The following TSC2 variants were observed in gnomAD, a reference collection of about 807,000 sequenced individuals.
The protein encoded by TSC2 is TSC complex subunit 2.
TSC2 carries 29 observed loss-of-function variants against 202.2 expected under a neutral mutation model. The observed-to-expected ratio is 0.14, with a 90% CI of 0.11 to 0.20. TSC2 has a LOEUF of 0.20. Among genes scored for constraint, TSC2 ranks in the 10% least tolerant of loss-of-function variants. The pLI is 1.00. For missense variants in TSC2, 2,429 were observed against 2,420.0 expected, an observed-to-expected ratio of 1.00 and a Z score of -0.08; for synonymous variants, 1,349 against 1,044.0, an observed-to-expected ratio of 1.29 and a Z score of -5.63.
At chr16:2,057,246 C>T in intron 9 of TSC2, 68 bp downstream of exon 9, 5 of 1,529,936 alleles carry the variant, frequency 3.3e-6, no homozygotes, top group South Asian at 2.4e-5. Context: ...TCCAGTGTCC[C>T]TTGCCAAGCA....
chr16:2,072,656 A>G (rs2088646735), intron 20 of TSC2, 193 bp from the exon 21 acceptor site: 6 of 931,026 alleles, frequency 6.4e-6, no homozygotes, highest in African/African-American at 1.7e-5. Flanking sequence ...TTCACCTCAC[A>G]TTCCTGGTGT....
In TSC2 at chr16:2,083,773, A is replaced by T. The variant is rs587778736; in HGVS notation, c.3962A>T (p.Glu1321Val). 6 of 1,611,152 alleles carry T rather than the reference A, an allele frequency of 3.7e-6. No homozygotes were observed. Among genetic ancestry groups the T allele is most frequent in the South Asian group, 1.1e-5 (1 of 90,508 alleles). ...GAGCCCCCAGGGTTGGAGGACGTTG[A>T]GGCAGCGCTAGGCATGGACAGGCGC... ...LVEPPGLEDVEAALGMDRRTD... is the reference protein window; with the variant it reads ...LVEPPGLEDVVAALGMDRRTD... The change falls in exon 33 of 42, where the codon GAG becomes GTG. Residue 1321 changes from glutamate (E) to valine (V), a missense_variant. Transcript: ENST00000219476.
At chr16:2,065,703 G>A (rs1039758612) in intron 16 of TSC2, 68 bp downstream of exon 16, 24 of 1,399,226 alleles carry the variant, frequency 1.7e-5, no homozygotes, top group Admixed American at 1.2e-4. Context: ...CTGCATCTGC[G>A]TTGTGTTGGA....
At chr16:2,064,835 C>A (rs571639537) in intron 15 of TSC2, 33 of 306,376 alleles carry the variant, frequency 1.1e-4, no homozygotes, top group African/African-American at 6.9e-4. Context: ...AGATGAAGGC[C>A]GGGCACAGTG....
Position 2,085,126 on chromosome 16 carries a change from G to T in TSC2, c.4569+100G>T. 3.7e-6 allele frequency: 6 copies of T among 1,600,862 alleles called. No individual in the cohort carries two copies. In the South Asian group the frequency reaches 5.5e-5, roughly 15 times the overall value. On this transcript the variant is annotated intron_variant, in intron 35 of 41. Coordinates refer to ENST00000219476, the MANE Select transcript of TSC2 (RefSeq NM_000548.5). ...TGCTGGGAGCTCAGGCTTGCAGAGG[G>T]CTCTGGCCTAAGCTCCCTGTGGCAG...
rs1277144134 is a variant in TSC2 at position 2,080,253 on chromosome 16, A to G, written c.3486A>G (p.Pro1162=). The change falls in exon 30 of 42, where the codon CCA becomes CCG. Residue 1162 remains proline, a synonymous_variant. Transcript: ENST00000219476. ...SATSPGPRTA[P]AAKPEKASAG... is the part of the protein sequence containing the mutation. The stretch of plus-strand genomic sequence containing the variant: ...CTTCTCCAGGACCACGGACTGCACC[A>G]GCCGCGAAACCTGAGAAGGCCTCAG... 1.9e-6 allele frequency: 3 copies of G among 1,612,892 alleles called. No homozygotes were observed. The East Asian group carries it at 6.7e-5, about 36-fold the overall frequency.
intron 17 of TSC2, among the ~76,000 whole-genome samples, chr16:2,070,918 C>T (rs1469885372): frequency 6.6e-6 from 1 of 152,022 alleles, no homozygotes; most frequent in South Asian, 2.1e-4. Context: ...GGCAGGTGGG[C>T]GGCACAGGGC....
intron 24 of TSC2, 45 bp downstream of exon 24, chr16:2,076,215 G>C: frequency 1.9e-6 from 3 of 1,611,408 alleles, no homozygotes; most frequent in Non-Finnish European, 2.5e-6. Context: ...GTAGGCCAGG[G>C]CTTGCTTTGC....
At chr16:2,053,564 C>A in intron 4 of TSC2, 112 bp downstream of exon 4, 2 of 1,108,860 alleles carry the variant, frequency 1.8e-6, no homozygotes, top group Non-Finnish European at 2.6e-6. Flanking sequence ...GGCACAGGGT[C>A]TAGGGGCTGA....
At position 2,088,156 on chromosome 16, in the gene TSC2, C is replaced by G. The variant is rs2151624592; in HGVS notation, c.5160+17C>G. On this transcript the variant is annotated intron_variant, in intron 40 of 41. Transcript: ENST00000219476. The stretch of plus-strand genomic sequence containing the variant: ...CACGCAAATGTGAGTGGGGGTGGGT[C>G]CAGGCGTGAGCTGGTGGGACAGGCC... 1 of 1,613,008 alleles carries G rather than the reference C, an allele frequency of 6.2e-7. No homozygotes were observed. Among genetic ancestry groups the G allele is most frequent in the South Asian group, 1.1e-5 (1 of 91,080 alleles).
rs1189857262 is a variant in TSC2, at chr16:2,086,861, G to T, written c.4979G>T (p.Gly1660Val). The T allele has an allele frequency of 3.8e-6, 6 of 1,592,124 alleles. No homozygotes were observed. The highest frequency in any genetic ancestry group is 1.8e-5 in the Admixed American group (1 of 57,056). The stretch of plus-strand genomic sequence containing the variant: ...GACTCCGGTGAGGACTTCAAGCTTG[G>T]CACCATCAAGGTGAGTGAGGGGCCG... The part of the protein sequence containing the change: ...YNDSGEDFKL[G>V]TIKGQFNFVH... The change falls in exon 38 of 42, where the codon GGC (glycine) becomes GTC (valine). Residue 1660 changes from glycine to valine, a missense_variant. Transcript: ENST00000219476.
intron 32 of TSC2, chr16:2,083,311 C>G (rs560579651): frequency 2.0e-4 from 92 of 459,532 alleles, no homozygotes; most frequent in African/African-American, 1.6e-3. Context: ...CCCCACGTCA[C>G]GGAGTCTCCG....
chr16:2,080,208 C>A lies in TSC2; in HGVS notation c.3441C>A (p.Ser1147=). The A allele has an allele frequency of 6.2e-7, 1 of 1,612,984 alleles. No homozygotes were observed. The highest frequency in any genetic ancestry group is 1.3e-5 in the African/African-American group (1 of 75,068). The change falls in exon 30 of 42, where the codon TCC becomes TCA. Residue 1147 remains serine (S), a synonymous_variant. Coordinates refer to ENST00000219476, the MANE Select transcript of TSC2 (RefSeq NM_000548.5). ...LRVGALDVPA[S]QFLGSATSPG... ...TTGGCGCCCTGGACGTGCCGGCCTC[C>A]CAGTTCCTGGGCAGTGCCACTTCTC...
rs2084942850 is a variant in TSC2 at position 2,050,318 on chromosome 16, G to C, written c.139-82G>C. 3 of 1,279,156 alleles carry C rather than the reference G, an allele frequency of 2.3e-6. No homozygotes were observed. The African/African-American group carries it at 4.4e-5, about 19-fold the overall frequency. 79.2% of individuals were successfully genotyped at this position (1,279,156 alleles called of 1,614,324 possible). ...CTCTAGTCTGGAAAATGCAGTGGGA[G>C]TCTTTAGGTGGTTTGTGACTTGCAG... On this transcript the variant is annotated intron_variant, in intron 2 of 41. Transcript: ENST00000219476.
At chr16:2,062,377 G>T in intron 12 of TSC2, 120 bp from the exon 13 acceptor site, 1 of 943,780 alleles carries the variant, frequency 1.1e-6, no homozygotes, top group South Asian at 1.4e-5. Flanking sequence ...CTGGGCTGTG[G>T]GCTGCAGGCT....
intron 32 of TSC2, chr16:2,082,773 C>T: frequency 5.2e-6 from 3 of 572,106 alleles, no homozygotes; most frequent in East Asian, 3.0e-5. Context: ...TGGGGGTGGC[C>T]TGAGTCTCCA....
rs763123951 is a variant in TSC2 at position 2,074,256 on chromosome 16, C to T, written c.2412C>T (p.Cys804=). 4.0e-5 allele frequency: 65 copies of T among 1,612,726 alleles called. No individual in the cohort carries two copies. Among genetic ancestry groups the T allele is most frequent in the Non-Finnish European group, 5.0e-5 (59 of 1,180,038 alleles). ...TCATCCACCGCTGTGCCAGCCAGTG[C>T]GTCGTGGCCTTGTCCATCTGCAGCG... is the stretch of plus-strand genomic sequence containing the variant. ...QGLIHRCASQ[C]VVALSICSVE... Residue 804 remains cysteine, a synonymous_variant, in exon 22 of 42, where the codon TGC becomes TGT. Transcript: ENST00000219476.
chr16:2,069,210 G>T (rs965025598), intron 16 of TSC2, among the ~76,000 whole-genome samples: 6 of 152,224 alleles, frequency 3.9e-5, no homozygotes, highest in Non-Finnish European at 7.3e-5. Context: ...CCAGAATGGG[G>T]GGTGCCAGGC....
rs1300582033 is a variant in TSC2 at position 2,088,098 on chromosome 16, A to C, written c.5119A>C (p.Asn1707His). ...CGTGGCCAAGATCGTGTCTGACCGCAACCTGCCCTTCGTGGCCCGCCAGAT... is the reference window on the plus strand; with the variant it reads ...CGTGGCCAAGATCGTGTCTGACCGCCACCTGCCCTTCGTGGCCCGCCAGAT... ...TSVAKIVSDR[N>H]LPFVARQMAL... The change falls in exon 40 of 42, where the codon AAC (asparagine) becomes CAC (histidine). Residue 1707 changes from asparagine to histidine, a missense_variant. Physicochemically the swap from Asn to His is moderately conservative, Grantham distance 68. Coordinates refer to ENST00000219476, the MANE Select transcript of TSC2 (RefSeq NM_000548.5). 6.2e-7 allele frequency: 1 copy of C among 1,612,930 alleles called. No homozygotes were observed. The highest frequency in any genetic ancestry group is 8.5e-7 in the Non-Finnish European group (1 of 1,179,994).
Sources: gnomAD v4.1 joint callset for allele counts (sites outside exome capture counted in the v4.1 genomes callset) on GRCh38, gnomAD v4.1.1 for gene constraint, MANE v1.5 for transcripts, NCBI Gene and HGNC (gene_info 2026-07-23, HGNC 2026-07-21) for gene names.